OR5K3: variants seen among roughly 807,000 people sequenced by gnomAD.
The protein encoded by OR5K3 is olfactory receptor 5K3.
For synonymous variants in OR5K3, 178 were observed against 132.6 expected (o/e 1.34, Z -2.35); for missense variants, 498 against 383.2 (o/e 1.30, Z -2.50).
Position 98,390,922 on chromosome 3 carries a change from T to C in OR5K3, c.257T>C (p.Phe86Ser), listed in dbSNP as rs750665049. 4.3e-6 allele frequency: 7 copies of C among 1,614,130 alleles called. No individual in the cohort carries two copies. The East Asian group carries it at 1.6e-4, about 36-fold the overall frequency. The change falls in exon 1 of 1, where the codon TTT (phenylalanine) becomes TCT (serine). Residue 86 changes from phenylalanine to serine, a missense_variant. Physicochemically the swap from Phe to Ser is radical, Grantham distance 155. Transcript: ENST00000383695. ...AITPKMLENF[F>S]SEDKRITLYE... The stretch of plus-strand genomic sequence containing the variant: ...ACTCCCAAGATGTTAGAGAACTTCT[T>C]TTCTGAGGACAAAAGGATTACCCTG...
chr3:98,391,561 T>TA lies in OR5K3; in HGVS notation c.896_897insA (p.Met299IlefsTer?). On this transcript the variant is annotated frameshift_variant, in exon 1 of 1. Transcript: ENST00000383695. LOFTEE classifies it low-confidence loss of function (END_TRUNC). ...AGAAATAAGGAAGTAATAAATATTA[T>TA]GAAAAAAATTATGAAGAAGAGAAAA... is the stretch of plus-strand genomic sequence containing the variant. The TA allele has an allele frequency of 8.1e-7, 1 of 1,240,746 alleles. No individual in the cohort carries two copies. 76.9% of individuals were successfully genotyped at this position (1,240,746 alleles called of 1,614,324 possible). A position where few individuals can be genotyped will look rare whatever the true frequency, so the allele number is the denominator to read the frequency against.
Position 98,391,131 on chromosome 3 carries a change from C to G in OR5K3, c.466C>G (p.Pro156Ala). Residue 156 changes from proline (P) to alanine (A), a missense_variant, in exon 1 of 1, where the codon CCC becomes GCC. Pro to Ala is a conservative substitution (Grantham distance 27). Transcript: ENST00000383695. ...AGAYLAGNLH[P>A]MIEVEFLLRL... The stretch of plus-strand genomic sequence containing the variant: ...AGCCTACCTAGCTGGCAACCTGCAT[C>G]CCATGATTGAAGTAGAGTTTCTGTT... 1 of 1,614,160 alleles carries G rather than the reference C, an allele frequency of 6.2e-7. No homozygotes were observed. The highest frequency in any genetic ancestry group is 1.7e-5 in the Admixed American group (1 of 60,014).
chr3:98,390,788 G>A lies in OR5K3; in HGVS notation c.123G>A (p.Gly41=), dbSNP rs757322934. Residue 41 remains glycine (G), a synonymous_variant, in exon 1 of 1, where the codon GGG becomes GGA. Transcript: ENST00000383695. ...FFAIYLITMV[G]NIGLVALIYI... Reference sequence around the variant, plus strand: ...CCATCTATCTGATCACCATGGTGGGGAACATTGGTTTGGTGGCATTGATTT... The same window carrying A: ...CCATCTATCTGATCACCATGGTGGGAAACATTGGTTTGGTGGCATTGATTT... 1 of 1,614,130 alleles carries A rather than the reference G, an allele frequency of 6.2e-7. No individual in the cohort carries two copies. Among genetic ancestry groups the A allele is most frequent in the Non-Finnish European group, 8.5e-7 (1 of 1,180,008 alleles).
chr3:98,391,220 T>C lies in OR5K3; in HGVS notation c.555T>C (p.Tyr185=), dbSNP rs188802406. The stretch of plus-strand genomic sequence containing the variant: ...TTTTCTGTGATGTTCTTCCATTATA[T>C]AGACTTTCTTGTATTAACCCTTATA... ...NHFFCDVLPL[Y]RLSCINPYIN... is the part of the protein sequence containing the mutation. Residue 185 remains tyrosine, a synonymous_variant, in exon 1 of 1, where the codon TAT becomes TAC. Coordinates refer to ENST00000383695, the MANE Select transcript of OR5K3 (RefSeq NM_001005516.1). 160 of 1,612,594 alleles carry C rather than the reference T, an allele frequency of 9.9e-5. No homozygotes were observed. The highest frequency in any genetic ancestry group is 1.3e-4 in the Non-Finnish European group (153 of 1,178,614).
Position 98,391,617 on chromosome 3 carries a change from C to T in OR5K3, c.952C>T (p.Pro318Ser). The T allele has an allele frequency of 1.4e-6, 2 of 1,406,702 alleles. No individual in the cohort carries two copies. The highest frequency in any genetic ancestry group is 1.9e-6 in the Non-Finnish European group (2 of 1,075,784). 87.1% of individuals were successfully genotyped at this position (1,406,702 alleles called of 1,614,324 possible). The change falls in exon 1 of 1, where the codon CCT becomes TCT. Residue 318 changes from proline (P) to serine (S), a missense_variant. Physicochemically the swap from Pro to Ser is moderately conservative, Grantham distance 74 (BLOSUM62 -1). Coordinates refer to ENST00000383695, the MANE Select transcript of OR5K3 (RefSeq NM_001005516.1). ...TCACATTCTGAAACAAATGTCATCC[C>T]CTCTGGCAACTTGATAATACTTTAT... is the stretch of plus-strand genomic sequence containing the variant. ...FCHILKQMSS[P>S]LAT
At position 98,391,197 on chromosome 3, in the gene OR5K3, T is replaced by C; in HGVS notation, c.532T>C (p.Phe178Leu). 1 of 1,613,670 alleles carries C rather than the reference T, an allele frequency of 6.2e-7. No individual in the cohort carries two copies. The highest frequency in any genetic ancestry group is 8.5e-7 in the Non-Finnish European group (1 of 1,179,614). The change falls in exon 1 of 1, where the codon TTC (phenylalanine) becomes CTC (leucine). Residue 178 changes from phenylalanine to leucine, a missense_variant. Physicochemically the swap from Phe to Leu is conservative, Grantham distance 22 (BLOSUM62 0). Coordinates refer to ENST00000383695, the MANE Select transcript of OR5K3 (RefSeq NM_001005516.1). ...FCGSHQINHF[F>L]CDVLPLYRLS... ...TGGGTCTCATCAAATCAATCATTTTTTCTGTGATGTTCTTCCATTATATAG... is the reference window on the plus strand; with the variant it reads ...TGGGTCTCATCAAATCAATCATTTTCTCTGTGATGTTCTTCCATTATATAG...
rs188194330 is a variant in OR5K3 at position 98,391,013 on chromosome 3, G to A, written c.348G>A (p.Ala116=). The A allele has an allele frequency of 5.1e-5, 83 of 1,613,982 alleles. No homozygotes were observed. In the East Asian group the frequency reaches 5.6e-4, roughly 11 times the overall value. ...LAETTDCFLL[A]AMAYDCYVAI... ...AAACTACAGACTGCTTTCTTCTGGC[G>A]GCAATGGCCTATGACTGCTATGTGG... The change falls in exon 1 of 1, where the codon GCG becomes GCA. Residue 116 remains alanine (A), a synonymous_variant. Coordinates refer to ENST00000383695, the MANE Select transcript of OR5K3 (RefSeq NM_001005516.1).
In OR5K3 at chr3:98,391,278, T is replaced by A; in HGVS notation, c.613T>A (p.Ser205Thr). 1.2e-6 allele frequency: 2 copies of A among 1,607,838 alleles called. No individual in the cohort carries two copies. Among genetic ancestry groups the A allele is most frequent in the Non-Finnish European group, 1.7e-6 (2 of 1,175,068 alleles). Reference sequence around the variant, plus strand: ...ATTGGTGTTATTTATCTTGGCAGGATCAATTCAAATCTTTACTATAGTCTT... The same window carrying A: ...ATTGGTGTTATTTATCTTGGCAGGAACAATTCAAATCTTTACTATAGTCTT... The part of the protein sequence containing the change: ...NELVLFILAG[S>T]IQIFTIVLVS... Residue 205 changes from serine to threonine, a missense_variant, in exon 1 of 1, where the codon TCA (serine) becomes ACA (threonine). Ser to Thr is a moderately conservative substitution (Grantham distance 58, BLOSUM62 1). Transcript: ENST00000383695.
At position 98,391,270 on chromosome 3, in the gene OR5K3, T is replaced by G. The variant is rs1490854447; in HGVS notation, c.605T>G (p.Leu202Trp). 2 of 1,608,624 alleles carry G rather than the reference T, an allele frequency of 1.2e-6. No individual in the cohort carries two copies. The highest frequency in any genetic ancestry group is 8.5e-7 in the Non-Finnish European group (1 of 1,175,566). Residue 202 changes from leucine (L) to tryptophan (W), a missense_variant, in exon 1 of 1, where the codon TTG becomes TGG. Coordinates refer to ENST00000383695, the MANE Select transcript of OR5K3 (RefSeq NM_001005516.1). ...PYINELVLFI[L>W]AGSIQIFTIV... Reference sequence around the variant, plus strand: ...ATCAATGAATTGGTGTTATTTATCTTGGCAGGATCAATTCAAATCTTTACT... The same window carrying G: ...ATCAATGAATTGGTGTTATTTATCTGGGCAGGATCAATTCAAATCTTTACT...
rs752947081 is a variant in OR5K3, at chr3:98,390,781, T to G, written c.116T>G (p.Met39Arg). 1.9e-6 allele frequency: 3 copies of G among 1,614,156 alleles called. No homozygotes were observed. The highest frequency in any genetic ancestry group is 2.5e-6 in the Non-Finnish European group (3 of 1,180,004). Residue 39 changes from methionine (M) to arginine (R), a missense_variant, in exon 1 of 1, where the codon ATG (methionine) becomes AGG (arginine). By Grantham distance (91) the Met-to-Arg change is moderately conservative. Coordinates refer to ENST00000383695, the MANE Select transcript of OR5K3 (RefSeq NM_001005516.1). ...TTCTTTGCCATCTATCTGATCACCA[T>G]GGTGGGGAACATTGGTTTGGTGGCA... Reference protein sequence around the residue: ...VVFFAIYLITMVGNIGLVALI... With the variant: ...VVFFAIYLITRVGNIGLVALI...
In OR5K3 at chr3:98,391,401, G is replaced by C. The variant is rs1470119956; in HGVS notation, c.736G>C (p.Val246Leu). The C allele has an allele frequency of 6.2e-7, 1 of 1,605,732 alleles. No individual in the cohort carries two copies. Among genetic ancestry groups the C allele is most frequent in the Non-Finnish European group, 8.5e-7 (1 of 1,177,584 alleles). Residue 246 changes from valine (V) to leucine (L), a missense_variant, in exon 1 of 1, where the codon GTG becomes CTG. Coordinates refer to ENST00000383695, the MANE Select transcript of OR5K3 (RefSeq NM_001005516.1). ...TACTTGTGCATCTCACTTTCTCTCT[G>C]TGTCAATATTCTGTGATTCCCTTCT... is the stretch of plus-strand genomic sequence containing the variant. ...LSTCASHFLS[V>L]SIFCDSLLFM...
chr3:98,390,801 G>C lies in OR5K3; in HGVS notation c.136G>C (p.Val46Leu). 6.2e-7 allele frequency: 1 copy of C among 1,614,144 alleles called. No homozygotes were observed. The highest frequency in any genetic ancestry group is 8.5e-7 in the Non-Finnish European group (1 of 1,180,018). ...CACCATGGTGGGGAACATTGGTTTGGTGGCATTGATTTATATAGAGCAACG... is the reference window on the plus strand; with the variant it reads ...CACCATGGTGGGGAACATTGGTTTGCTGGCATTGATTTATATAGAGCAACG... ...LITMVGNIGL[V>L]ALIYIEQRLH... Residue 46 changes from valine (V) to leucine (L), a missense_variant, in exon 1 of 1, where the codon GTG becomes CTG. Transcript: ENST00000383695.
rs576325869 is a variant in OR5K3, at chr3:98,391,483, C to T, written c.818C>T (p.Ala273Val). The change falls in exon 1 of 1, where the codon GCT (alanine) becomes GTT (valine). Residue 273 changes from alanine to valine, a missense_variant. Transcript: ENST00000383695. ...GAAGGGGATAAAGATATACCTGTTG[C>T]TATATTTTATACTTTAGTTATTCCT... ...VNEGDKDIPV[A>V]IFYTLVIPLL... 226 of 1,506,776 alleles carry T rather than the reference C, an allele frequency of 1.5e-4. 2 individuals are homozygous for T. In the South Asian group the frequency reaches 2.6e-3, roughly 17 times the overall value. 93.3% of individuals were successfully genotyped at this position (1,506,776 alleles called of 1,614,324 possible). A position where few individuals can be genotyped will look rare whatever the true frequency, so the allele number is the denominator to read the frequency against.
rs774612467 is a variant in OR5K3 at position 98,390,830 on chromosome 3, TCA to T, written c.171_172del (p.Pro58AsnfsTer30). On this transcript the variant is annotated frameshift_variant, in exon 1 of 1. Coordinates refer to ENST00000383695, the MANE Select transcript of OR5K3 (RefSeq NM_001005516.1). LOFTEE classifies it low-confidence loss of function (END_TRUNC). ...CATTGATTTATATAGAGCAACGTCTTCACACACCAATGTACATATTTTTAGGC... is the reference window on the plus strand; with the variant it reads ...CATTGATTTATATAGAGCAACGTCTTCACACCAATGTACATATTTTTAGGC... ...VALIYIEQRL[H>X]TPMYIFLGNL... 4 of 1,614,214 alleles carry T rather than the reference TCA, an allele frequency of 2.5e-6. No homozygotes were observed. The South Asian group carries it at 4.4e-5, about 18-fold the overall frequency.
rs565745750 is a variant in OR5K3 at position 98,391,416 on chromosome 3, G to A, written c.751G>A (p.Asp251Asn). 3 of 1,605,954 alleles carry A rather than the reference G, an allele frequency of 1.9e-6. No individual in the cohort carries two copies. In the Admixed American group the frequency reaches 5.1e-5, roughly 27 times the overall value. Residue 251 changes from aspartate to asparagine, a missense_variant, in exon 1 of 1, where the codon GAT becomes AAT. Transcript: ENST00000383695. Reference sequence around the variant, plus strand: ...CTTTCTCTCTGTGTCAATATTCTGTGATTCCCTTCTCTTCATGTATGCTCG... The same window carrying A: ...CTTTCTCTCTGTGTCAATATTCTGTAATTCCCTTCTCTTCATGTATGCTCG... ...SHFLSVSIFCDSLLFMYARPG... is the reference protein window; with the variant it reads ...SHFLSVSIFCNSLLFMYARPG...
rs1707464136 is a variant in OR5K3 at position 98,391,085 on chromosome 3, C to G, written c.420C>G (p.Leu140=). The stretch of plus-strand genomic sequence containing the variant: ...ACCACACCATGATGTCCAAGACACT[C>G]TGCATTCAGATGACTGCAGGAGCCT... ...LQYHTMMSKT[L]CIQMTAGAYL... Residue 140 remains leucine (L), a synonymous_variant, in exon 1 of 1, where the codon CTC becomes CTG. Coordinates refer to ENST00000383695, the MANE Select transcript of OR5K3 (RefSeq NM_001005516.1). 4 of 1,614,240 alleles carry G rather than the reference C, an allele frequency of 2.5e-6. No individual in the cohort carries two copies. Among genetic ancestry groups the G allele is most frequent in the Non-Finnish European group, 3.4e-6 (4 of 1,180,040 alleles).
Position 98,391,526 on chromosome 3 carries a change from T to G in OR5K3, c.861T>G (p.Ile287Met). Residue 287 changes from isoleucine (I) to methionine (M), a missense_variant, in exon 1 of 1, where the codon ATT becomes ATG. Ile to Met is a conservative substitution (Grantham distance 10). Coordinates refer to ENST00000383695, the MANE Select transcript of OR5K3 (RefSeq NM_001005516.1). ...TTATTCCTTTATTAAATCCTTTTATTTATAGCCTAAGAAATAAGGAAGTAA... is the reference window on the plus strand; with the variant it reads ...TTATTCCTTTATTAAATCCTTTTATGTATAGCCTAAGAAATAAGGAAGTAA... Reference protein sequence around the residue: ...TLVIPLLNPFIYSLRNKEVIN... With the variant: ...TLVIPLLNPFMYSLRNKEVIN... 1 of 1,437,858 alleles carries G rather than the reference T, an allele frequency of 7.0e-7. No individual in the cohort carries two copies. The allele number at this position is 1,437,858 out of a possible 1,614,324, so 89.1% of individuals were successfully genotyped here. A position where few individuals can be genotyped will look rare whatever the true frequency, so the allele number is the denominator to read the frequency against.
In OR5K3 at chr3:98,390,863, A is replaced by G; in HGVS notation, c.198A>G (p.Leu66=). The G allele has an allele frequency of 6.2e-7, 1 of 1,614,220 alleles. No homozygotes were observed. The highest frequency in any genetic ancestry group is 1.3e-5 in the African/African-American group (1 of 75,060). Residue 66 remains leucine (L), a synonymous_variant, in exon 1 of 1, where the codon CTA becomes CTG. Coordinates refer to ENST00000383695, the MANE Select transcript of OR5K3 (RefSeq NM_001005516.1). ...HTPMYIFLGN[L]VLMDSCCSSA... ...CAATGTACATATTTTTAGGCAACCTAGTTCTGATGGATTCCTGCTGTTCCT... is the reference window on the plus strand; with the variant it reads ...CAATGTACATATTTTTAGGCAACCTGGTTCTGATGGATTCCTGCTGTTCCT...
chr3:98,391,343 G>A lies in OR5K3; in HGVS notation c.678G>A (p.Met226Ile). The stretch of plus-strand genomic sequence containing the variant: ...ACATCCTTTTCACAATATTTACAAT[G>A]AAATCCAAGGAGGGAAGAGGCAAAG... Reference protein sequence around the residue: ...YFYILFTIFTMKSKEGRGKAL... With the variant: ...YFYILFTIFTIKSKEGRGKAL... Residue 226 changes from methionine (M) to isoleucine (I), a missense_variant, in exon 1 of 1, where the codon ATG becomes ATA. Met to Ile is a conservative substitution (Grantham distance 10, BLOSUM62 1). Transcript: ENST00000383695. 1.2e-6 allele frequency: 2 copies of A among 1,611,030 alleles called. No homozygotes were observed. The highest frequency in any genetic ancestry group is 1.7e-6 in the Non-Finnish European group (2 of 1,178,854).
Sources: allele counts gnomAD v4.1 joint callset, GRCh38; gene constraint gnomAD v4.1.1; transcripts MANE v1.5; gene names NCBI Gene and HGNC (gene_info 2026-07-23, HGNC 2026-07-21).